PLEKHA6: variants seen among roughly 807,000 people sequenced by gnomAD.
PLEKHA6 encodes pleckstrin homology domain-containing family A member 6.
Under a neutral mutation model 116.7 loss-of-function variants are expected in PLEKHA6, and 60 were observed. The observed-to-expected ratio is 0.51, with a 90% confidence interval of 0.42 to 0.64. The LOEUF (loss-of-function observed/expected upper bound fraction) is 0.64. Among genes scored for constraint, PLEKHA6 ranks in the 30% least tolerant of loss-of-function variants. PLEKHA6 has a pLI of 0.00. For synonymous variants in PLEKHA6, 489 were observed against 556.1 expected (o/e 0.88, Z 1.70); for missense variants, 1,338 against 1,422.7 (o/e 0.94, Z 0.96).
At chr1:204,245,795 G>T in intron 13 of PLEKHA6, 69 bp from the exon 14 acceptor site, 2 of 1,124,784 alleles carry the variant, frequency 1.8e-6, no homozygotes, top group Non-Finnish European at 1.3e-6. Context: ...TCTCAGCCCA[G>T]ACCCCTTGGA....
chr1:204,220,823 TGA>T lies in PLEKHA6; in HGVS notation c.*1963_*1964del, dbSNP rs962830703. ...AGAGCCAGCTTTATGAAATAAGAGA[TGA>T]GAGAGAGGTGGCAGAGGCGCAGACA... On this transcript the variant is annotated 3_prime_UTR_variant, in exon 23 of 23. Coordinates refer to ENST00000272203, the MANE Select transcript of PLEKHA6 (RefSeq NM_014935.5). 3 of 151,364 alleles carry T rather than the reference TGA, an allele frequency of 2.0e-5. No individual in the cohort carries two copies. The highest frequency in any genetic ancestry group is 7.3e-5 in the African/African-American group (3 of 40,950). 9.4% of individuals were successfully genotyped at this position (151,364 alleles called of 1,614,324 possible).
chr1:204,307,942 CTA>C (rs1441753351), intron 1 of PLEKHA6: 1 of 948,074 alleles, frequency 1.1e-6, no homozygotes, highest in Non-Finnish European at 1.3e-6. Flanking sequence ...GATTTTGAGA[CTA>C]TTCCTCCATA....
chr1:204,241,579 T>C, intron 16 of PLEKHA6, 98 bp from the exon 17 acceptor site: 1 of 1,432,876 alleles, frequency 7.0e-7, no homozygotes, highest in Non-Finnish European at 9.4e-7. Flanking sequence ...CCACCGAGAT[T>C]AAAAAGCCCA....
At chr1:204,316,339 C>T (rs1671857780) in intron 1 of PLEKHA6, among the ~76,000 whole-genome samples, 1 of 152,258 alleles carries the variant, frequency 6.6e-6, no homozygotes, top group South Asian at 2.1e-4. Flanking sequence ...TGTTGGAGCA[C>T]TCCCTGTGCC....
At chr1:204,368,867 C>G (rs945951163) in intron 2 of PLEKHA6, 5 of 152,218 alleles carry the variant, frequency 3.3e-5, no homozygotes, top group Admixed American at 6.5e-5. Flanking sequence ...TCAGTCCACA[C>G]GCCTGCCTTG....
intron 1 of PLEKHA6, among the ~76,000 whole-genome samples, chr1:204,289,550 T>C (rs1259953482): frequency 1.3e-5 from 2 of 152,218 alleles, no homozygotes; most frequent in South Asian, 2.1e-4. Flanking sequence ...GGTGGCTGGC[T>C]GGCCGGGTTC....
At chr1:204,243,222 G>A (rs1420632397) in intron 15 of PLEKHA6, 10 of 399,424 alleles carry the variant, frequency 2.5e-5, no homozygotes, top group Non-Finnish European at 4.0e-5. Flanking sequence ...ACTCCAGGGG[G>A]ACGTAGGCTT....
chr1:204,257,823 C>T lies in PLEKHA6; in HGVS notation c.1054G>A (p.Gly352Ser), dbSNP rs1272691514. 6 of 1,613,912 alleles carry T rather than the reference C, an allele frequency of 3.7e-6. No homozygotes were observed. The highest frequency in any genetic ancestry group is 5.1e-6 in the Non-Finnish European group (6 of 1,179,912). The change falls in exon 9 of 23, where the codon GGC becomes AGC. Residue 352 changes from glycine (G) to serine (S), a missense_variant. Physicochemically the swap from Gly to Ser is moderately conservative, Grantham distance 56 (BLOSUM62 0). This residue lies in a region of PLEKHA6 where 1,136 missense variants were observed against 1,163.6 expected (regional missense o/e 0.98). Transcript: ENST00000272203. The surrounding 1 kb of genome is among the most constrained non-coding windows in gnomAD (Gnocchi z 6.5). ...PVSRRVPEYYGPYSSQYPDDY... is the reference protein window; with the variant it reads ...PVSRRVPEYYSPYSSQYPDDY... ...TCGGGGTACTGGGAGGAGTAGGGGC[C>T]ATAGTACTCAGGGACCCTGCGAGAC...
At chr1:204,304,318 G>C (rs995524522) in intron 1 of PLEKHA6, among the ~76,000 whole-genome samples, 17 of 152,318 alleles carry the variant, frequency 1.1e-4, no homozygotes, top group Middle Eastern at 6.8e-3. Context: ...TGACCCTGGA[G>C]GTAGAAACCT....
chr1:204,304,268 G>A (rs1671084734), intron 1 of PLEKHA6, among the ~76,000 whole-genome samples: 1 of 152,224 alleles, frequency 6.6e-6, no homozygotes, highest in South Asian at 2.1e-4. Context: ...TCAGGACAAA[G>A]GGGAAGAGGA....
chr1:204,267,380 C>T (rs1666947080), intron 5 of PLEKHA6, 95 bp downstream of exon 5: 3 of 1,028,714 alleles, frequency 2.9e-6, no homozygotes, highest in East Asian at 5.0e-5. Context: ...CCTGCTGGTG[C>T]CCATCCAAAG....
chr1:204,359,087 T>C (rs1426221667), intron 1 of PLEKHA6, among the ~76,000 whole-genome samples: 1 of 151,774 alleles, frequency 6.6e-6, no homozygotes, highest in Admixed American at 6.6e-5. Flanking sequence ...TTCCCTGCCC[T>C]CCTCTACCAC....
intron 17 of PLEKHA6, among the ~76,000 whole-genome samples, chr1:204,240,276 C>A (rs944850736): frequency 1.3e-5 from 2 of 152,212 alleles, no homozygotes; most frequent in African/African-American, 2.4e-5. Context: ...GCCCAGACCC[C>A]TCAGGAATGA....
intron 21 of PLEKHA6, among the ~76,000 whole-genome samples, chr1:204,226,451 G>A (rs1403441505): frequency 1.3e-5 from 2 of 152,196 alleles, no homozygotes; most frequent in East Asian, 3.9e-4. Flanking sequence ...AACCAGCCTT[G>A]TCTCTCTAAC....
intron 1 of PLEKHA6, among the ~76,000 whole-genome samples, chr1:204,288,011 C>T (rs1364254488): frequency 6.6e-6 from 1 of 152,226 alleles, no homozygotes; most frequent in Non-Finnish European, 1.5e-5. Flanking sequence ...AACAAAAGCC[C>T]ACTCTGGCTG....
At chr1:204,237,470 A>G (rs905858619) in intron 17 of PLEKHA6, among the ~76,000 whole-genome samples, 19 of 152,186 alleles carry the variant, frequency 1.2e-4, no homozygotes, top group African/African-American at 4.3e-4. Context: ...ATCCCCATTC[A>G]ACTCTCCCAT....
chr1:204,225,852 C>T (rs1418103285), intron 21 of PLEKHA6, among the ~76,000 whole-genome samples: 1 of 152,226 alleles, frequency 6.6e-6, no homozygotes, highest in Non-Finnish European at 1.5e-5. Flanking sequence ...CATGAATCTA[C>T]AAACATGACC....
chr1:204,231,751 A>G (rs1213597677), intron 17 of PLEKHA6, among the ~76,000 whole-genome samples: 1 of 151,860 alleles, frequency 6.6e-6, no homozygotes, highest in Non-Finnish European at 1.5e-5. Context: ...AATTATTATT[A>G]TTTGTAGAGA....
Position 204,261,482 on chromosome 1 carries a change from G to A in PLEKHA6, c.382-34C>T, listed in dbSNP as rs570737546. 69 of 1,577,114 alleles carry A rather than the reference G, an allele frequency of 4.4e-5. 2 individuals are homozygous for A. The South Asian group carries it at 4.7e-4, about 11-fold the overall frequency. On this transcript the variant is annotated intron_variant, in intron 6 of 22. Coordinates refer to ENST00000272203, the MANE Select transcript of PLEKHA6 (RefSeq NM_014935.5). This position sits in a 1 kb window ranked among gnomAD's most constrained non-coding sequence, Gnocchi z 4.0. ...AGAGGCAGCGTGTGGAGCTGGCCTC[G>A]GCCTCATCCACCCAGCACACAGTCA...
Sources: gnomAD v4.1 joint callset for allele counts (sites outside exome capture counted in the v4.1 genomes callset) on GRCh38, gnomAD v4.1.1 for gene constraint, gnomAD v4.1.1 regional missense constraint, Gnocchi (gnomAD v3.1) non-coding constraint, MANE v1.5 for transcripts, NCBI Gene and HGNC (gene_info 2026-07-23, HGNC 2026-07-21) for gene names.